Variants in GRIA4 observed in about 807,000 individuals in gnomAD.
GRIA4 encodes the protein glutamate ionotropic receptor AMPA type subunit 4.
Under a neutral mutation model 104.0 loss-of-function variants are expected in GRIA4, and 34 were observed. The observed-to-expected ratio is 0.33, with a 90% CI of 0.25 to 0.44. The LOEUF (loss-of-function observed/expected upper bound fraction) is 0.44, where lower values mean the gene tolerates loss of function less well. Among genes scored for constraint, GRIA4 ranks in the 20% least tolerant of loss-of-function variants. GRIA4 has a pLI of 1.00. For missense variants in GRIA4, 750 were observed against 1,096.5 expected (o/e 0.68, Z 4.46); for synonymous variants, 386 against 381.9 (o/e 1.01, Z -0.13).
At chr11:105,726,842 T>G (rs541749353) in intron 3 of GRIA4, among the ~76,000 whole-genome samples, 2 of 151,558 alleles carry the variant, frequency 1.3e-5, no homozygotes, top group Admixed American at 1.3e-4. Flanking sequence ...GTATCAACAT[T>G]AAAAAAAAGG....
intron 3 of GRIA4, among the ~76,000 whole-genome samples, chr11:105,616,379 C>A (rs1292293797): frequency 6.6e-6 from 1 of 151,280 alleles, no homozygotes; most frequent in Non-Finnish European, 1.5e-5. Flanking sequence ...CTCTAAGTAT[C>A]CAAAATGAGC....
chr11:105,956,306 T>G (rs1015154760), intron 14 of GRIA4, among the ~76,000 whole-genome samples: 26 of 152,048 alleles, frequency 1.7e-4, no homozygotes, highest in African/African-American at 5.6e-4. Flanking sequence ...CCCTACACTG[T>G]GTCAAAGTGT....
In GRIA4 at chr11:105,614,653, T is replaced by A. The variant is rs186083558; in HGVS notation, c.247+2219T>A. 2.4e-3 allele frequency among the ~76,000 whole-genome samples: 361 copies of A among 152,114 alleles called. 1 individual carries two copies. Among genetic ancestry groups the A allele is most frequent in the Middle Eastern group, 3.4e-3 (1 of 294 alleles). ...AATTGATTTTGCGTATGTTTAAAAA[T>A]TTTTTAAGAAAACAAATTGTAAATA... On this transcript the variant is annotated intron_variant, in intron 3 of 16. Transcript: ENST00000282499.
chr11:105,701,423 C>T (rs1762835505), intron 3 of GRIA4, among the ~76,000 whole-genome samples: 1 of 152,048 alleles, frequency 6.6e-6, no homozygotes, highest in Non-Finnish European at 1.5e-5. Context: ...TTTGGAAGTC[C>T]ACAGATCTCT....
intron 3 of GRIA4, among the ~76,000 whole-genome samples, chr11:105,664,650 T>C (rs568633792): frequency 2.3e-4 from 35 of 152,090 alleles, no homozygotes; most frequent in Middle Eastern, 6.8e-3. Flanking sequence ...CAATTACAAA[T>C]CTTATTTTTT....
Position 105,704,596 on chromosome 11 carries a change from G to A in GRIA4, c.248-48385G>A, listed in dbSNP as rs954149540. 3.9e-5 allele frequency among the ~76,000 whole-genome samples: 6 copies of A among 151,988 alleles called. No individual in the cohort carries two copies. The South Asian group carries it at 1.2e-3, about 32-fold the overall frequency. On this transcript the variant is annotated intron_variant, in intron 3 of 16. Coordinates refer to ENST00000282499, the MANE Select transcript of GRIA4 (RefSeq NM_000829.4). ...AATGGACAAATTTGCATTTTTAAAA[G>A]AAAGACATGAGTGGGTGTCAGGAAT...
chr11:105,632,086 A>G (rs1296240817), intron 3 of GRIA4, among the ~76,000 whole-genome samples: 2 of 152,206 alleles, frequency 1.3e-5, no homozygotes, highest in Non-Finnish European at 2.9e-5. Context: ...AATAAAATAA[A>G]AGTTTGAATT....
rs920614770 is a variant in GRIA4 at position 105,830,080 on chromosome 11, G to A, written c.488-31944G>A. Among the ~76,000 whole-genome samples, 5 of 151,958 alleles carry A rather than the reference G, an allele frequency of 3.3e-5. No individual in the cohort carries two copies. The South Asian group carries it at 1.0e-3, about 31-fold the overall frequency. The stretch of plus-strand genomic sequence containing the variant: ...TTTGATTCTCTATTGCCTGCTGCAT[G>A]AAACTCAAACCCCTTAGCTTAACAT... On this transcript the variant is annotated intron_variant, in intron 4 of 16. Coordinates refer to ENST00000282499, the MANE Select transcript of GRIA4 (RefSeq NM_000829.4).
intron 3 of GRIA4, among the ~76,000 whole-genome samples, chr11:105,744,670 T>C (rs1286735947): frequency 1.3e-5 from 2 of 152,196 alleles, no homozygotes; most frequent in Non-Finnish European, 1.5e-5. Context: ...TGCTGCAAGA[T>C]GTACTATAAA....
At chr11:105,658,484 A>G (rs1951909515) in intron 3 of GRIA4, among the ~76,000 whole-genome samples, 1 of 151,980 alleles carries the variant, frequency 6.6e-6, no homozygotes, top group African/African-American at 2.4e-5. Flanking sequence ...CTAAAGAAAA[A>G]GTCACTATTC....
intron 13 of GRIA4, among the ~76,000 whole-genome samples, chr11:105,932,331 G>T (rs1372503243): frequency 7.9e-5 from 12 of 151,956 alleles, no homozygotes; most frequent in African/African-American, 1.5e-4. Context: ...TAGACACAGG[G>T]TTTCACCATG....
chr11:105,687,257 C>T lies in GRIA4; in HGVS notation c.248-65724C>T, dbSNP rs536210837. ...GCTCTCCTGTTATGGACATGTAAGG[C>T]GCTAAAAAATATGTATTTGAAAAAG... On this transcript the variant is annotated intron_variant, in intron 3 of 16. Coordinates refer to ENST00000282499, the MANE Select transcript of GRIA4 (RefSeq NM_000829.4). Among the ~76,000 whole-genome samples, 67 of 152,112 alleles carry T rather than the reference C, an allele frequency of 4.4e-4. 1 individual carries two copies. The highest frequency in any genetic ancestry group is 1.5e-3 in the African/African-American group (61 of 41,494).
intron 4 of GRIA4, among the ~76,000 whole-genome samples, chr11:105,775,651 A>G (rs1941415778): frequency 6.6e-6 from 1 of 152,138 alleles, no homozygotes; most frequent in African/African-American, 2.4e-5. Flanking sequence ...AATTTTAAAA[A>G]CAGACAAAAA....
At chr11:105,730,839 A>G (rs1261279757) in intron 3 of GRIA4, among the ~76,000 whole-genome samples, 1 of 152,194 alleles carries the variant, frequency 6.6e-6, no homozygotes, top group Admixed American at 6.5e-5. Context: ...AGAAAACTGA[A>G]ACTTGACCCC....
intron 6 of GRIA4, among the ~76,000 whole-genome samples, chr11:105,888,295 T>TTTC: frequency 7.6e-6 from 1 of 131,728 alleles, no homozygotes; most frequent in East Asian, 2.2e-4. Flanking sequence ...TTTTTTTTTT[T>TTTC]TTTTTTGAGA....
In GRIA4 at chr11:105,972,166, A is replaced by G. The variant is rs1858729144; in HGVS notation, c.2409+138A>G. ...CCTAAATTAAAAGCTAATGTCATAAATTTCAACCATAGGGATGGTCTTCCC... is the reference window on the plus strand; with the variant it reads ...CCTAAATTAAAAGCTAATGTCATAAGTTTCAACCATAGGGATGGTCTTCCC... On this transcript the variant is annotated intron_variant, in intron 15 of 16. Transcript: ENST00000282499. The G allele has an allele frequency of 2.9e-5, 15 of 521,190 alleles. No individual in the cohort carries two copies. The South Asian group carries it at 4.1e-4, about 14-fold the overall frequency. 32.3% of individuals were successfully genotyped at this position (521,190 alleles called of 1,614,324 possible).
At chr11:105,748,107 T>G (rs1378938615) in intron 3 of GRIA4, among the ~76,000 whole-genome samples, 1 of 152,202 alleles carries the variant, frequency 6.6e-6, no homozygotes, top group East Asian at 1.9e-4. Context: ...CTGCTCATGA[T>G]TTTACATTTG....
chr11:105,747,623 T>C (rs994167048), intron 3 of GRIA4, among the ~76,000 whole-genome samples: 1 of 152,092 alleles, frequency 6.6e-6, no homozygotes, highest in Non-Finnish European at 1.5e-5. Context: ...ATATAGAATA[T>C]AGAAAATTAA....
At chr11:105,810,626 G>A (rs911429446) in intron 4 of GRIA4, among the ~76,000 whole-genome samples, 2 of 152,152 alleles carry the variant, frequency 1.3e-5, no homozygotes, top group African/African-American at 4.8e-5. Context: ...AGGGGGAAAA[G>A]AAAAGGAAAT....
Sources: gnomAD v4.1 joint callset for allele counts (sites outside exome capture counted in the v4.1 genomes callset) on GRCh38, gnomAD v4.1.1 for gene constraint, MANE v1.5 for transcripts, NCBI Gene and HGNC (gene_info 2026-07-23, HGNC 2026-07-21) for gene names.